The following ACTR3C variants were observed in gnomAD, a reference collection of about 807,000 sequenced individuals.
The protein encoded by ACTR3C is actin-related protein 3C.
Under a neutral mutation model 26.3 loss-of-function variants are expected in ACTR3C, and 18 were observed. The observed-to-expected ratio is 0.68, with a 90% CI of 0.47 to 1.01. The LOEUF is 1.01. ACTR3C is among the 50% of genes least tolerant of loss of function. The pLI, the probability that ACTR3C is intolerant of heterozygous loss-of-function variation, is 0.00. For synonymous variants in ACTR3C, 55 were observed against 94.5 expected (o/e 0.58, Z 2.42); for missense variants, 184 against 250.7 (o/e 0.73, Z 1.80).
At chr7:150,320,061 G>A (rs962689968) in intron 1 of ACTR3C, among the ~76,000 whole-genome samples, 5 of 152,214 alleles carry the variant, frequency 3.3e-5, no homozygotes, top group African/African-American at 1.2e-4. Context: ...GAGTGTTTCT[G>A]GATTAACGCT....
chr7:149,949,432 GAAT>G, the ACTR3C span, among the ~76,000 whole-genome samples: 1 of 144,336 alleles, frequency 6.9e-6, no homozygotes, highest in Admixed American at 6.7e-5. Context: ...GGAAGGAAAT[GAAT>G]AAAGTGAAAG....
At chr7:150,099,267 A>G in the ACTR3C span, among the ~76,000 whole-genome samples, 9 of 151,324 alleles carry the variant, frequency 5.9e-5, no homozygotes, top group Non-Finnish European at 1.2e-4. Flanking sequence ...TTGAAGAAAG[A>G]GCTCAATAGT....
chr7:150,082,672 T>C, the ACTR3C span, among the ~76,000 whole-genome samples: 7 of 152,320 alleles, frequency 4.6e-5, no homozygotes, highest in South Asian at 1.4e-3. Flanking sequence ...TTCATGTGAA[T>C]TTCATCTGGC....
chr7:150,146,233 A>G, the ACTR3C span, among the ~76,000 whole-genome samples: 1 of 151,530 alleles, frequency 6.6e-6, no homozygotes, highest in South Asian at 2.1e-4. Flanking sequence ...CATGACCCCT[A>G]TTCTCTCTCC....
At chr7:150,242,547 G>C (rs1349179068), downstream of ACTR3C, among the ~76,000 whole-genome samples, 2 of 151,936 alleles carry the variant, frequency 1.3e-5, no homozygotes, top group African/African-American at 2.4e-5. Flanking sequence ...ACAATAAAAT[G>C]AATTAGAAAT....
At chr7:150,029,798 G>C in the ACTR3C span, among the ~76,000 whole-genome samples, 1 of 151,930 alleles carries the variant, frequency 6.6e-6, no homozygotes, top group Admixed American at 6.5e-5. Flanking sequence ...CCACATGCAC[G>C]AGTCTCCAGG....
the ACTR3C span, among the ~76,000 whole-genome samples, chr7:150,195,081 G>A: frequency 6.8e-6 from 1 of 147,264 alleles, no homozygotes; most frequent in Non-Finnish European, 1.5e-5. Context: ...GCAACAGAGT[G>A]AGACTCTGTT....
At chr7:149,909,183 T>C in the ACTR3C span, among the ~76,000 whole-genome samples, 1 of 151,504 alleles carries the variant, frequency 6.6e-6, no homozygotes, top group African/African-American at 2.4e-5. Flanking sequence ...ACACTTCTGT[T>C]ATTCTCTACC....
intron 6 of ACTR3C, among the ~76,000 whole-genome samples, chr7:150,263,982 G>T (rs1367439743): frequency 6.6e-6 from 1 of 152,222 alleles, no homozygotes; most frequent in Non-Finnish European, 1.5e-5. Context: ...CTCAGCGGGG[G>T]CTAAGGCAGG....
At chr7:150,084,568 G>A in the ACTR3C span, among the ~76,000 whole-genome samples, 3 of 152,172 alleles carry the variant, frequency 2.0e-5, no homozygotes, top group East Asian at 3.9e-4. Context: ...GAGAGCCTTC[G>A]GGGCAGAGGA....
chr7:150,313,562 A>C (rs1796515470), intron 1 of ACTR3C, among the ~76,000 whole-genome samples: 1 of 152,198 alleles, frequency 6.6e-6, no homozygotes, highest in African/African-American at 2.4e-5. Flanking sequence ...AATTCCGGTT[A>C]GCTCTTCCTG....
At chr7:149,888,099 T>C in the ACTR3C span, among the ~76,000 whole-genome samples, 1 of 152,218 alleles carries the variant, frequency 6.6e-6, no homozygotes, top group Non-Finnish European at 1.5e-5. Flanking sequence ...TAAATGCCTG[T>C]TGTTATAAGT....
At chr7:150,010,288 C>T in the ACTR3C span, among the ~76,000 whole-genome samples, 1 of 152,240 alleles carries the variant, frequency 6.6e-6, no homozygotes, top group African/African-American at 2.4e-5. Context: ...CATCACCCTG[C>T]ACCTCATTCT....
the ACTR3C span, among the ~76,000 whole-genome samples, chr7:150,196,286 CTGTTCCTTTTATT>C: frequency 9.2e-5 from 14 of 152,298 alleles, no homozygotes; most frequent in East Asian, 2.7e-3. Context: ...CATGGATGCT[CTGTTCCTTTTATT>C]TTTGCTTTAG....
chr7:150,278,563 GCTCA>G (rs1835072130), intron 6 of ACTR3C, among the ~76,000 whole-genome samples: 1 of 152,236 alleles, frequency 6.6e-6, no homozygotes, highest in Non-Finnish European at 1.5e-5. Context: ...CTCTGCAGGT[GCTCA>G]CTGACATTAC....
chr7:150,160,005 G>A, the ACTR3C span, among the ~76,000 whole-genome samples: 2 of 152,218 alleles, frequency 1.3e-5, 1 homozygote, highest in South Asian at 4.2e-4. Context: ...ATGTTGGCCA[G>A]GCTAGTCTTG....
chr7:150,111,952 G>T, the ACTR3C span, among the ~76,000 whole-genome samples: 1 of 151,920 alleles, frequency 6.6e-6, no homozygotes, highest in Non-Finnish European at 1.5e-5. Context: ...CTGACTCCTC[G>T]TTTTTTAAGT....
the ACTR3C span, among the ~76,000 whole-genome samples, chr7:150,174,026 T>C: frequency 1.4e-5 from 2 of 141,036 alleles, no homozygotes; most frequent in Non-Finnish European, 3.0e-5. Flanking sequence ...CTGCAAACTT[T>C]CCCACATTTT....
rs1192764981 is a variant in ACTR3C at position 150,250,202 on chromosome 7, C to CTTTTTTTTTTT, written c.565-1159_565-1149dup. Among the ~76,000 whole-genome samples, 16 of 125,490 alleles carry CTTTTTTTTTTT rather than the reference C, an allele frequency of 1.3e-4. 2 individuals carry two copies. The highest frequency in any genetic ancestry group is 5.5e-4 in the African/African-American group (16 of 29,314). The allele number at this position is 125,490 out of a possible 152,430, so 82.3% of individuals were successfully genotyped here. ...ATGAGCAAGAAATGACAGAATCTGA[C>CTTTTTTTTTTT]TTTTTTTTTTTTTTTTTTTGAGACG... On this transcript the variant is annotated intron_variant, in intron 6 of 7. Coordinates refer to ENST00000683684, the MANE Select transcript of ACTR3C (RefSeq NM_001164458.2).
Sources: gnomAD v4.1 joint callset for allele counts (sites outside exome capture counted in the v4.1 genomes callset) on GRCh38, gnomAD v4.1.1 for gene constraint, MANE v1.5 for transcripts, NCBI Gene and HGNC (gene_info 2026-07-23, HGNC 2026-07-21) for gene names.